Variants in PCMTD1 observed in about 807,000 individuals in gnomAD.
The protein encoded by PCMTD1 is protein-L-isoaspartate (D-aspartate) O-methyltransferase domain containing 1.
Under a neutral mutation model 37.6 loss-of-function variants are expected in PCMTD1, and 12 were observed. That is an observed-to-expected ratio of 0.32 (90% confidence interval 0.20 to 0.52). The LOEUF is 0.52. Ranked by LOEUF, PCMTD1 falls within the 20% of genes least tolerant of loss-of-function variation. The pLI, the probability that PCMTD1 is intolerant of heterozygous loss-of-function variation, is 0.97. For synonymous variants in PCMTD1, 117 were observed against 135.8 expected, an observed-to-expected ratio of 0.86 and a Z score of 0.96; for missense variants, 235 against 421.3, an observed-to-expected ratio of 0.56 and a Z score of 3.87.
intron 3 of PCMTD1, among the ~76,000 whole-genome samples, chr8:51,835,011 A>C (rs9643465): frequency 0.83 from 125,674 of 152,038 alleles, 54,229 homozygotes; most frequent in East Asian, 0.95. Context: ...CTGCTCTCTA[A>C]TGCGCAGGAT....
chr8:51,845,392 T>C (rs2038203074), intron 3 of PCMTD1: 1 of 316,506 alleles, frequency 3.2e-6, no homozygotes, highest in Non-Finnish European at 5.9e-6. Flanking sequence ...ACACTGTATC[T>C]CCAGAAAAGA....
chr8:51,883,514 A>G (rs1186928432), intron 1 of PCMTD1, among the ~76,000 whole-genome samples: 1 of 152,238 alleles, frequency 6.6e-6, no homozygotes, highest in Non-Finnish European at 1.5e-5. Flanking sequence ...TTATTAATGC[A>G]ATATTAAACC....
intron 1 of PCMTD1, among the ~76,000 whole-genome samples, chr8:51,880,420 TCTTA>T (rs974309663): frequency 2.6e-5 from 4 of 152,324 alleles, no homozygotes; most frequent in Non-Finnish European, 4.4e-5. Flanking sequence ...TATTTTCATC[TCTTA>T]CTATGTTTTC....
chr8:51,874,420 A>T, intron 1 of PCMTD1, among the ~76,000 whole-genome samples: 1 of 107,730 alleles, frequency 9.3e-6, no homozygotes, highest in East Asian at 2.5e-4. Flanking sequence ...CCAGGGAAAG[A>T]ATTTCAAAGA....
intron 3 of PCMTD1, among the ~76,000 whole-genome samples, chr8:51,838,403 C>T (rs1218599582): frequency 6.6e-6 from 1 of 151,908 alleles, no homozygotes; most frequent in Non-Finnish European, 1.5e-5. Context: ...GTGGGAAGAT[C>T]GCTTGAGCCC....
intron 2 of PCMTD1, among the ~76,000 whole-genome samples, chr8:51,847,588 T>C (rs571693031): frequency 1.3e-5 from 2 of 152,016 alleles, no homozygotes; most frequent in East Asian, 3.9e-4. Flanking sequence ...GATCTTGCCA[T>C]TGCACTCCAG....
rs1293458051 is a variant in PCMTD1, at chr8:51,861,116, A to T, written c.36T>A (p.Asp12Glu). Residue 12 changes from aspartate (D) to glutamate (E), a missense_variant, in exon 2 of 6, where the codon GAT becomes GAA. By Grantham distance (45) the Asp-to-Glu change is conservative. Transcript: ENST00000522514. ...GGAVSAGEDNDDLIDNLKEAQ... is the reference protein window; with the variant it reads ...GGAVSAGEDNEDLIDNLKEAQ... Reference sequence around the variant, plus strand: ...CTTCTTTTAAATTATCAATTAAGTCATCATTATCTTCCCCAGCACTCACAG... The same window carrying T: ...CTTCTTTTAAATTATCAATTAAGTCTTCATTATCTTCCCCAGCACTCACAG... The T allele has an allele frequency of 1.9e-6, 3 of 1,614,042 alleles. No homozygotes were observed.
chr8:51,865,120 T>C (rs2038532024), intron 1 of PCMTD1, among the ~76,000 whole-genome samples: 1 of 151,984 alleles, frequency 6.6e-6, no homozygotes, highest in African/African-American at 2.4e-5. Context: ...CCTACCCAAG[T>C]TGAATCAAGA....
chr8:51,853,296 C>G (rs1173681040), intron 2 of PCMTD1, among the ~76,000 whole-genome samples: 1 of 152,160 alleles, frequency 6.6e-6, no homozygotes, highest in Non-Finnish European at 1.5e-5. Context: ...CTCCAGCAGA[C>G]CAAGCAGCCC....
At chr8:51,855,358 T>A (rs2038371309) in intron 2 of PCMTD1, among the ~76,000 whole-genome samples, 1 of 146,510 alleles carries the variant, frequency 6.8e-6, no homozygotes, top group African/African-American at 2.5e-5. Flanking sequence ...CGAAACCCCG[T>A]CTTTAATACC....
At chr8:51,898,457 G>C (rs1411769329) in intron 1 of PCMTD1, among the ~76,000 whole-genome samples, 1 of 151,920 alleles carries the variant, frequency 6.6e-6, no homozygotes, top group Non-Finnish European at 1.5e-5. Flanking sequence ...ACGTAGACTG[G>C]ATTCTCTGCC....
At chr8:51,898,124 C>T (rs913544316) in intron 1 of PCMTD1, among the ~76,000 whole-genome samples, 11 of 151,968 alleles carry the variant, frequency 7.2e-5, no homozygotes, top group African/African-American at 2.7e-4. Flanking sequence ...AGGGGAAAAA[C>T]ACTGCTAAAA....
At chr8:51,859,241 CTT>C (rs79329433) in intron 2 of PCMTD1, among the ~76,000 whole-genome samples, 1 of 144,070 alleles carries the variant, frequency 6.9e-6, no homozygotes. Flanking sequence ...ATTCCCCCCT[CTT>C]TTTTTTTTTA....
chr8:51,835,448 A>G, intron 3 of PCMTD1, among the ~76,000 whole-genome samples: 1 of 152,272 alleles, frequency 6.6e-6, no homozygotes, highest in East Asian at 1.9e-4. Flanking sequence ...GATTGTTTAA[A>G]ATATGGCCAA....
At chr8:51,886,972 TC>T (rs1375363825) in intron 1 of PCMTD1, among the ~76,000 whole-genome samples, 55 of 143,452 alleles carry the variant, frequency 3.8e-4, no homozygotes, top group Non-Finnish European at 6.6e-4. Flanking sequence ...TTTTTTTTTT[TC>T]TCTCTTGCCT....
chr8:51,829,177 C>A (rs2037964356), intron 5 of PCMTD1, among the ~76,000 whole-genome samples: 1 of 152,146 alleles, frequency 6.6e-6, no homozygotes, highest in Non-Finnish European at 1.5e-5. Context: ...ATGACTCTCA[C>A]CAATCTGTAA....
At chr8:51,845,522 C>A in intron 3 of PCMTD1, 139 bp downstream of exon 3, 1 of 547,962 alleles carries the variant, frequency 1.8e-6, no homozygotes, top group Non-Finnish European at 3.2e-6. Context: ...ATAATCTTAA[C>A]TTTTTCTCAT....
At chr8:51,887,615 A>G (rs1214422597) in intron 1 of PCMTD1, among the ~76,000 whole-genome samples, 1 of 151,860 alleles carries the variant, frequency 6.6e-6, no homozygotes, top group East Asian at 1.9e-4. Flanking sequence ...AAACAAAACT[A>G]TCAATCATTT....
chr8:51,852,177 A>G (rs779402221), intron 2 of PCMTD1, among the ~76,000 whole-genome samples: 2 of 152,200 alleles, frequency 1.3e-5, no homozygotes, highest in Non-Finnish European at 2.9e-5. Context: ...TTTCAAGGGT[A>G]GGAGATGTGT....
Sources: allele counts gnomAD v4.1 joint callset (sites outside exome capture counted in the v4.1 genomes callset), GRCh38; gene constraint gnomAD v4.1.1; transcripts MANE v1.5; gene names NCBI Gene and HGNC (gene_info 2026-07-23, HGNC 2026-07-21).